ERBB4: variants seen among roughly 807,000 people sequenced by gnomAD.
ERBB4 encodes the protein erb-b2 receptor tyrosine kinase 4, also known as receptor tyrosine-protein kinase erbB-4.
Under a neutral mutation model 158.0 loss-of-function variants are expected in ERBB4, and 42 were observed. That is an observed-to-expected ratio of 0.27 (90% CI 0.21 to 0.34). The LOEUF (loss-of-function observed/expected upper bound fraction) is 0.34, where lower values mean the gene tolerates loss of function less well. Among genes scored for constraint, ERBB4 ranks in the 10% least tolerant of loss-of-function variants. ERBB4 has a pLI of 1.00. For synonymous variants in ERBB4, 583 were observed against 558.7 expected (o/e 1.04, Z -0.61); for missense variants, 1,333 against 1,624.1 (o/e 0.82, Z 3.08).
chr2:212,371,510 C>T (rs1375168170), intron 1 of ERBB4, among the ~76,000 whole-genome samples: 1 of 152,178 alleles, frequency 6.6e-6, no homozygotes, highest in African/African-American at 2.4e-5. Flanking sequence ...TTATTACCCA[C>T]TACGTACTGT....
chr2:212,019,402 A>T (rs2076597499), intron 2 of ERBB4, among the ~76,000 whole-genome samples: 1 of 152,186 alleles, frequency 6.6e-6, no homozygotes. Flanking sequence ...CAAAAATGCA[A>T]ACATAAAAAA....
intron 1 of ERBB4, among the ~76,000 whole-genome samples, chr2:212,368,913 C>G (rs528839177): frequency 3.9e-5 from 6 of 152,090 alleles, no homozygotes; most frequent in African/African-American, 1.4e-4. Context: ...GCCCGTGGAC[C>G]AGCAGCATTG....
At chr2:211,961,195 C>T (rs760860758) in intron 2 of ERBB4, among the ~76,000 whole-genome samples, 6 of 151,020 alleles carry the variant, frequency 4.0e-5, no homozygotes, top group African/African-American at 9.9e-5. Context: ...TGATGGGAGA[C>T]AGTTCTGCAT....
At chr2:212,475,742 A>G (rs1404584432) in intron 1 of ERBB4, among the ~76,000 whole-genome samples, 1 of 152,180 alleles carries the variant, frequency 6.6e-6, no homozygotes, top group Non-Finnish European at 1.5e-5. Flanking sequence ...TCTGCTATTA[A>G]GTCTTATGAA....
intron 20 of ERBB4, 48 bp downstream of exon 20, chr2:211,561,855 A>C (rs748468855): frequency 3.3e-6 from 5 of 1,508,808 alleles, no homozygotes; most frequent in African/African-American, 1.4e-5. Flanking sequence ...CAGGTTAGGA[A>C]ATATTAACCT....
intron 19 of ERBB4, among the ~76,000 whole-genome samples, chr2:211,589,579 G>A (rs2068398215): frequency 6.6e-6 from 1 of 152,016 alleles, no homozygotes; most frequent in African/African-American, 2.4e-5. Context: ...TTTTCAATCA[G>A]TTCCAACTTT....
chr2:211,601,862 G>A (rs1482340209), intron 19 of ERBB4, among the ~76,000 whole-genome samples: 4 of 151,984 alleles, frequency 2.6e-5, no homozygotes, highest in South Asian at 2.1e-4. Flanking sequence ...CCATGTATAG[G>A]AAATAAATAT....
intron 25 of ERBB4, among the ~76,000 whole-genome samples, chr2:211,393,355 A>T (rs1339624289): frequency 3.3e-5 from 5 of 152,176 alleles, no homozygotes; most frequent in Non-Finnish European, 7.4e-5. Context: ...ATAGACAAAA[A>T]AATTGTGGAG....
At position 211,861,363 on chromosome 2, in the gene ERBB4, T is replaced by TTTTTTTTG. The variant is rs2078050587; in HGVS notation, c.422-73205_422-73204insCAAAAAAA. Among the ~76,000 whole-genome samples, 8 of 99,764 alleles carry TTTTTTTTG rather than the reference T, an allele frequency of 8.0e-5. 1 individual carries two copies. The highest frequency in any genetic ancestry group is 1.2e-4 in the Non-Finnish European group (6 of 51,800). The allele number at this position is 99,764 out of a possible 152,430, so 65.4% of individuals were successfully genotyped here. A position where few individuals can be genotyped will look rare whatever the true frequency, so the allele number is the denominator to read the frequency against. Reference sequence around the variant, plus strand: ...TGTTTTTTTTTTGTTTTTTTTTTTTTTTTTTTACTTTTAGCAGAGAAGAGG... The same window carrying TTTTTTTTG: ...TGTTTTTTTTTTGTTTTTTTTTTTTTTTTTTTTGTTTTTTACTTTTAGCAGAGAAGAGG... On this transcript the variant is annotated intron_variant, in intron 3 of 27. Coordinates refer to ENST00000342788, the MANE Select transcript of ERBB4 (RefSeq NM_005235.3).
chr2:212,249,825 G>T (rs1431221327), intron 1 of ERBB4, among the ~76,000 whole-genome samples: 1 of 151,936 alleles, frequency 6.6e-6, no homozygotes, highest in East Asian at 1.9e-4. Context: ...CATATGAAAA[G>T]AAATCAGCCG....
At chr2:211,954,709 G>A (rs1019230796) in intron 2 of ERBB4, among the ~76,000 whole-genome samples, 2 of 152,000 alleles carry the variant, frequency 1.3e-5, no homozygotes, top group Non-Finnish European at 1.5e-5. Flanking sequence ...GAATTTATGT[G>A]TTCTCTGACG....
rs1404122758 is a variant in ERBB4, at chr2:212,001,027, G to T, written c.235-53411C>A. Among the ~76,000 whole-genome samples the T allele has an allele frequency of 2.0e-5, 3 of 151,932 alleles. No individual in the cohort carries two copies. The East Asian group carries it at 5.8e-4, about 29-fold the overall frequency. ...GTTACAAACACTTAGAACTCTTGAG[G>T]CTGGCATATTTGTTTTTCTAATATG... On this transcript the variant is annotated intron_variant, in intron 2 of 27. Transcript: ENST00000342788.
intron 4 of ERBB4, among the ~76,000 whole-genome samples, chr2:211,769,320 C>A (rs2075633924): frequency 6.6e-6 from 1 of 152,164 alleles, no homozygotes; most frequent in African/African-American, 2.4e-5. Flanking sequence ...TGCAAACTTT[C>A]CCACATCTTC....
At chr2:212,433,434 G>C (rs779000223) in intron 1 of ERBB4, among the ~76,000 whole-genome samples, 19 of 151,788 alleles carry the variant, frequency 1.3e-4, no homozygotes, top group Non-Finnish European at 2.7e-4. Flanking sequence ...TCTCACCCCT[G>C]CAAAAATTAT....
At chr2:211,412,845 T>C (rs2125382172) in intron 25 of ERBB4, among the ~76,000 whole-genome samples, 1 of 150,694 alleles carries the variant, frequency 6.6e-6, no homozygotes, top group Admixed American at 6.6e-5. Context: ...TCCCAGCTAC[T>C]CAGGAGGCTG....
chr2:212,337,235 G>T (rs1320106534), intron 1 of ERBB4, among the ~76,000 whole-genome samples: 1 of 151,930 alleles, frequency 6.6e-6, no homozygotes, highest in African/African-American at 2.4e-5. Context: ...TCTTCCTTTT[G>T]TATCATTTGG....
chr2:212,464,825 G>A (rs920719289), intron 1 of ERBB4, among the ~76,000 whole-genome samples: 1 of 151,492 alleles, frequency 6.6e-6, no homozygotes, highest in Admixed American at 6.6e-5. Flanking sequence ...CATATAGTCG[G>A]CACTCAAAAC....
intron 1 of ERBB4, among the ~76,000 whole-genome samples, chr2:212,144,500 A>C (rs2080597494): frequency 6.6e-6 from 1 of 152,244 alleles, no homozygotes; most frequent in Non-Finnish European, 1.5e-5. Flanking sequence ...GAATACTTTG[A>C]AAGTATTTGA....
Position 211,947,601 on chromosome 2 carries a change from T to C in ERBB4, c.250A>G (p.Thr84Ala). The change falls in exon 3 of 28, where the codon ACA becomes GCA. Residue 84 changes from threonine (T) to alanine (A), a missense_variant. This residue lies in a region of ERBB4 where 438 missense variants were observed against 586.9 expected (regional missense o/e 0.75). Transcript: ENST00000342788. ...TTAAGAGCCACTAACACGTAGCCTGTGACTTCTCGAACAGACTGAAAAGAC... is the reference window on the plus strand; with the variant it reads ...TTAAGAGCCACTAACACGTAGCCTGCGACTTCTCGAACAGACTGAAAAGAC... ...LSFLRSVREV[T>A]GYVLVALNQF... The C allele has an allele frequency of 6.2e-7, 1 of 1,613,582 alleles. No homozygotes were observed. Among genetic ancestry groups the C allele is most frequent in the Non-Finnish European group, 8.5e-7 (1 of 1,179,786 alleles).
Sources: allele counts gnomAD v4.1 joint callset (sites outside exome capture counted in the v4.1 genomes callset), GRCh38; gene constraint gnomAD v4.1.1; regional missense constraint gnomAD v4.1.1; transcripts MANE v1.5; gene names NCBI Gene and HGNC (gene_info 2026-07-23, HGNC 2026-07-21).